The following CEP164 variants were observed in gnomAD, a reference collection of about 807,000 sequenced individuals.
CEP164 encodes centrosomal protein 164, also known as centrosomal protein of 164 kDa.
Under a neutral mutation model 182.7 loss-of-function variants are expected in CEP164, and 162 were observed. The observed-to-expected ratio is 0.89, with a 90% confidence interval of 0.78 to 1.01. The LOEUF (loss-of-function observed/expected upper bound fraction) is 1.01. Ranked by LOEUF, CEP164 falls within the 50% of genes least tolerant of loss-of-function variation. The pLI is 0.00. For missense variants in CEP164, 1,735 were observed against 1,790.4 expected (o/e 0.97, Z 0.56); for synonymous variants, 661 against 690.0 (o/e 0.96, Z 0.66).
In CEP164 at chr11:117,344,276, T is replaced by C; in HGVS notation, c.193T>C (p.Cys65Arg). 6.2e-7 allele frequency: 1 copy of C among 1,609,232 alleles called. No homozygotes were observed. Among genetic ancestry groups the C allele is most frequent in the Non-Finnish European group, 8.5e-7 (1 of 1,176,914 alleles). The stretch of plus-strand genomic sequence containing the variant: ...CCCACTGCCTGGAGAGTGGAAACCA[T>C]GGTAAGTCAGCAGGGGGTGCGGCCA... The part of the protein sequence containing the change: ...VAPLPGEWKP[C>R]QDITGDIYYF... Residue 65 changes from cysteine to arginine, a missense_variant and splice_region_variant, in exon 4 of 33, where the codon TGC becomes CGC. Physicochemically the swap from Cys to Arg is radical, Grantham distance 180 (BLOSUM62 -3). Coordinates refer to ENST00000278935, the MANE Select transcript of CEP164 (RefSeq NM_014956.5).
At chr11:117,363,231 G>C (rs183663393) in intron 7 of CEP164, among the ~76,000 whole-genome samples, 198 bp from the exon 8 acceptor site, 1 of 152,320 alleles carries the variant, frequency 6.6e-6, no homozygotes, top group Admixed American at 6.5e-5. Context: ...CCACTTGCTT[G>C]TTGCACAGCA....
intron 27 of CEP164, 36 bp downstream of exon 27, chr11:117,397,349 TGGGGG>T: frequency 6.3e-7 from 1 of 1,584,200 alleles, no homozygotes; most frequent in South Asian, 1.1e-5. Flanking sequence ...CAGCCCTGTG[TGGGGG>T]AGGCGGGGGG....
intron 27 of CEP164, among the ~76,000 whole-genome samples, chr11:117,405,308 C>A (rs1481421153): frequency 6.6e-6 from 1 of 152,200 alleles, no homozygotes; most frequent in East Asian, 1.9e-4. Context: ...ATCTCCTGGT[C>A]TGCGGGTTGC....
At chr11:117,408,742 T>C in intron 28 of CEP164, 148 bp from the exon 29 acceptor site, 1 of 981,556 alleles carries the variant, frequency 1.0e-6, no homozygotes, top group South Asian at 1.7e-5. Flanking sequence ...GATGGCCATA[T>C]TTCATGGATT....
At chr11:117,399,827 G>A (rs922276139) in intron 27 of CEP164, among the ~76,000 whole-genome samples, 10 of 152,220 alleles carry the variant, frequency 6.6e-5, no homozygotes, top group African/African-American at 2.4e-4. Flanking sequence ...ACTTTTTGAT[G>A]AGGTTGTTTG....
At chr11:117,334,474 T>A (rs1397285617) in intron 1 of CEP164, among the ~76,000 whole-genome samples, 1 of 152,120 alleles carries the variant, frequency 6.6e-6, no homozygotes, top group African/African-American at 2.4e-5. Flanking sequence ...TTTCCCAGAG[T>A]TTTCCTGATC....
intron 27 of CEP164, among the ~76,000 whole-genome samples, chr11:117,398,609 C>T (rs2045783674): frequency 6.6e-6 from 1 of 152,238 alleles, no homozygotes; most frequent in Admixed American, 6.5e-5. Context: ...GCGGAGGTTC[C>T]CAGACCTTAG....
Position 117,411,658 on chromosome 11 carries a change from T to C in CEP164, c.4164-137T>C, listed in dbSNP as rs2136994345. 8.2e-7 allele frequency: 1 copy of C among 1,222,642 alleles called. No individual in the cohort carries two copies. Among genetic ancestry groups the C allele is most frequent in the Non-Finnish European group, 1.1e-6 (1 of 877,688 alleles). The allele number at this position is 1,222,642 out of a possible 1,614,324, so 75.7% of individuals were successfully genotyped here. A position where few individuals can be genotyped will look rare whatever the true frequency, so the allele number is the denominator to read the frequency against. On this transcript the variant is annotated intron_variant, in intron 31 of 32. Transcript: ENST00000278935. This position sits in a 1 kb window ranked among gnomAD's most constrained non-coding sequence, Gnocchi z 4.4. ...GGGCAGATGTTTTGAAGCTTTGAATTGCTAGGGACCTCGGAGAAGCTGCTC... is the reference window on the plus strand; with the variant it reads ...GGGCAGATGTTTTGAAGCTTTGAATCGCTAGGGACCTCGGAGAAGCTGCTC...
chr11:117,333,444 C>G (rs961396748), intron 1 of CEP164, among the ~76,000 whole-genome samples: 2 of 152,350 alleles, frequency 1.3e-5, no homozygotes, highest in South Asian at 4.1e-4. Context: ...TCTTTCCAAT[C>G]TGGCCTCCGC....
intron 5 of CEP164, among the ~76,000 whole-genome samples, chr11:117,354,717 A>T (rs921606843): frequency 6.5e-4 from 97 of 149,792 alleles, no homozygotes; most frequent in African/African-American, 2.2e-3. Context: ...GTTTTACTTC[A>T]TTTTTTAGTT....
At chr11:117,325,027 C>T (rs2035378309), upstream of CEP164, among the ~76,000 whole-genome samples, 1 of 152,114 alleles carries the variant, frequency 6.6e-6, no homozygotes, top group Admixed American at 6.6e-5. Context: ...AGCTGGTGAG[C>T]CCAGAATTCC....
chr11:117,334,334 G>A (rs1254164178), intron 1 of CEP164, among the ~76,000 whole-genome samples: 2 of 152,050 alleles, frequency 1.3e-5, no homozygotes, highest in Non-Finnish European at 2.9e-5. Flanking sequence ...TGGCCTTTTG[G>A]ACCTGTCCTT....
intron 11 of CEP164, 59 bp downstream of exon 11, chr11:117,375,850 G>A (rs112933729): frequency 0.031 from 46,995 of 1,497,770 alleles, 895 homozygotes; most frequent in Non-Finnish European, 0.038. Context: ...CAACTTTTTC[G>A]GATGACCCAG....
intron 27 of CEP164, among the ~76,000 whole-genome samples, chr11:117,404,064 C>T (rs2046419249): frequency 6.6e-6 from 1 of 152,106 alleles, no homozygotes; most frequent in East Asian, 1.9e-4. Flanking sequence ...AACCTTTTTA[C>T]AAGATTCTTA....
chr11:117,371,301 C>A lies in CEP164; in HGVS notation c.987C>A (p.Thr329=). ...CTAAGATTTGCAGGAATCTGGTGAC[C>A]CCCAAGGCAGACCCTACAGGCAGTG... The part of the protein sequence containing the change: ...SEPKICRNLV[T]PKADPTGSEP... Residue 329 remains threonine (T), a synonymous_variant, in exon 9 of 33, where the codon ACC becomes ACA. Coordinates refer to ENST00000278935, the MANE Select transcript of CEP164 (RefSeq NM_014956.5). The A allele has an allele frequency of 1.2e-6, 2 of 1,614,146 alleles. No individual in the cohort carries two copies. The highest frequency in any genetic ancestry group is 1.7e-5 in the Admixed American group (1 of 60,014).
chr11:117,375,527 T>C (rs1474496346), intron 10 of CEP164, among the ~76,000 whole-genome samples, 181 bp from the exon 11 acceptor site: 3 of 152,224 alleles, frequency 2.0e-5, no homozygotes, highest in Admixed American at 6.5e-5. Context: ...GCTTGACATA[T>C]CTTTCCATTG....
At chr11:117,397,854 A>G (rs967952151) in intron 27 of CEP164, among the ~76,000 whole-genome samples, 8 of 152,200 alleles carry the variant, frequency 5.3e-5, no homozygotes, top group Non-Finnish European at 1.0e-4. Flanking sequence ...TGGTGGGGAC[A>G]CAGAGCCAAA....
chr11:117,356,590 G>A, intron 5 of CEP164: 2 of 1,287,490 alleles, frequency 1.6e-6, no homozygotes, highest in East Asian at 5.6e-5. Context: ...TTACTACAGA[G>A]CCAGGCAAGA....
intron 10 of CEP164, among the ~76,000 whole-genome samples, chr11:117,374,647 C>T (rs2042552004): frequency 1.3e-5 from 2 of 152,198 alleles, no homozygotes; most frequent in African/African-American, 4.8e-5. Flanking sequence ...AACCCACAAG[C>T]TAGAAAGGGA....
Sources: gnomAD v4.1 joint callset for allele counts (sites outside exome capture counted in the v4.1 genomes callset) on GRCh38, gnomAD v4.1.1 for gene constraint, Gnocchi (gnomAD v3.1) non-coding constraint, MANE v1.5 for transcripts, NCBI Gene and HGNC (gene_info 2026-07-23, HGNC 2026-07-21) for gene names.